The following ZGRF1 variants were observed in gnomAD, a reference collection of about 807,000 sequenced individuals.
The protein encoded by ZGRF1 is zinc finger GRF-type containing 1, also known as 5'-3' DNA helicase ZGRF1.
In ZGRF1, 196 loss-of-function variants were observed where a neutral mutation model predicts 203.5. That is an observed-to-expected ratio of 0.96 (90% CI 0.86 to 1.08). The LOEUF is 1.08. Among genes scored for constraint, ZGRF1 ranks in the 50% least tolerant of loss-of-function variants. The pLI, the probability that ZGRF1 is intolerant of heterozygous loss-of-function variation, is 0.00. For missense variants in ZGRF1, 2,326 were observed against 2,416.3 expected, an observed-to-expected ratio of 0.96 and a Z score of 0.78; for synonymous variants, 809 against 841.3, an observed-to-expected ratio of 0.96 and a Z score of 0.66.
In ZGRF1 at chr4:112,540,853, C is replaced by A. The variant is rs1364913369; in HGVS notation, c.5878G>T (p.Val1960Leu). ...ATCTGGGATTTGTATAATGTTATCA[C>A]ACCAATCATAGAGCCTGCTATTCCA... ...ASGIAGSMIG[V>L]ITLYKSQMYK... Residue 1960 changes from valine to leucine, a missense_variant, in exon 26 of 28, where the codon GTG (valine) becomes TTG (leucine). Physicochemically the swap from Val to Leu is conservative, Grantham distance 32. Coordinates refer to ENST00000505019, the MANE Select transcript of ZGRF1 (RefSeq NM_018392.5). 6.3e-7 allele frequency: 1 copy of A among 1,595,714 alleles called. No homozygotes were observed. Among genetic ancestry groups the A allele is most frequent in the Non-Finnish European group, 8.5e-7 (1 of 1,169,944 alleles).
chr4:112,594,333 CAT>C (rs1035948986), intron 10 of ZGRF1, among the ~76,000 whole-genome samples: 5 of 152,148 alleles, frequency 3.3e-5, no homozygotes, highest in Non-Finnish European at 7.4e-5. Context: ...CTGTTTTACA[CAT>C]GTCCTGCACA....
intron 22 of ZGRF1, among the ~76,000 whole-genome samples, chr4:112,551,327 T>G (rs1291696606): frequency 6.6e-6 from 1 of 152,202 alleles, no homozygotes; most frequent in Non-Finnish European, 1.5e-5. Flanking sequence ...TGTAAAACAA[T>G]ACATTTCTCA....
At chr4:112,584,524 ACAC>A (rs1200455966) in intron 14 of ZGRF1, among the ~76,000 whole-genome samples, 2 of 152,186 alleles carry the variant, frequency 1.3e-5, no homozygotes, top group African/African-American at 4.8e-5. Context: ...AAGTACACAC[ACAC>A]CACAACCCAA....
chr4:112,618,368 A>G lies in ZGRF1; in HGVS notation c.1674T>C (p.Ser558=). 1 of 1,613,532 alleles carries G rather than the reference A, an allele frequency of 6.2e-7. No individual in the cohort carries two copies. The highest frequency in any genetic ancestry group is 1.7e-5 in the Admixed American group (1 of 59,972). The change falls in exon 6 of 28, where the codon AGT becomes AGC. Residue 558 remains serine (S), a synonymous_variant. Coordinates refer to ENST00000505019, the MANE Select transcript of ZGRF1 (RefSeq NM_018392.5). The part of the protein sequence containing the change: ...ESNKISQDSE[S]WVKDILVNDG... Reference sequence around the variant, plus strand: ...CATTAACCAAAATGTCCTTTACCCAACTCTCTGAATCCTGGGAAATTTTGT... The same window carrying G: ...CATTAACCAAAATGTCCTTTACCCAGCTCTCTGAATCCTGGGAAATTTTGT...
chr4:112,595,636 G>A (rs1245003067), intron 10 of ZGRF1, among the ~76,000 whole-genome samples: 1 of 151,976 alleles, frequency 6.6e-6, no homozygotes, highest in Non-Finnish European at 1.5e-5. Context: ...GCCCAAATAA[G>A]CTTAAAAGCA....
At chr4:112,561,170 G>A (rs1471722590) in intron 18 of ZGRF1, 175 bp from the exon 19 acceptor site, 5 of 590,268 alleles carry the variant, frequency 8.5e-6, no homozygotes, top group East Asian at 8.4e-5. Context: ...ATATCGAGGA[G>A]GGTAGAAGAG....
chr4:112,611,061 G>A (rs2149125857), intron 7 of ZGRF1: 3 of 191,596 alleles, frequency 1.6e-5, no homozygotes, highest in Middle Eastern at 2.0e-3. Context: ...ATTATTAAAA[G>A]GGGAAAAAAA....
At chr4:112,617,119 CAT>C (rs2046903601) in intron 6 of ZGRF1, among the ~76,000 whole-genome samples, 1 of 152,028 alleles carries the variant, frequency 6.6e-6, no homozygotes, top group African/African-American at 2.4e-5. Context: ...TATACACACA[CAT>C]ACATACATAT....
At chr4:112,600,475 C>G (rs545193830) in intron 10 of ZGRF1, among the ~76,000 whole-genome samples, 1 of 152,122 alleles carries the variant, frequency 6.6e-6, no homozygotes, top group Admixed American at 6.6e-5. Flanking sequence ...AAGCGGATCA[C>G]GAGGTCAGGA....
chr4:112,615,164 C>T (rs1007900582), intron 6 of ZGRF1, among the ~76,000 whole-genome samples: 7 of 152,088 alleles, frequency 4.6e-5, no homozygotes, highest in Non-Finnish European at 8.8e-5. Context: ...AGAACTACTG[C>T]AAATAATCAG....
At chr4:112,575,440 G>C (rs1314765524) in intron 16 of ZGRF1, among the ~76,000 whole-genome samples, 1 of 152,122 alleles carries the variant, frequency 6.6e-6, no homozygotes, top group Non-Finnish European at 1.5e-5. Flanking sequence ...CAGGACAGTG[G>C]GTGCAGTGCA....
intron 7 of ZGRF1, among the ~76,000 whole-genome samples, chr4:112,611,867 GT>G (rs2046690649): frequency 2.0e-5 from 3 of 152,156 alleles, no homozygotes; most frequent in Admixed American, 2.0e-4. Context: ...GAAAATCAAC[GT>G]GTAACAAGAA....
Position 112,587,687 on chromosome 4 carries a change from A to G in ZGRF1, c.3370T>C (p.Ser1124Pro). The change falls in exon 12 of 28, where the codon TCT becomes CCT. Residue 1124 changes from serine to proline, a missense_variant. Physicochemically the swap from Ser to Pro is moderately conservative, Grantham distance 74. Coordinates refer to ENST00000505019, the MANE Select transcript of ZGRF1 (RefSeq NM_018392.5). ...EPEDQNETFF[S>P]EESREVNPGD... ...GGATTCACTTCCCTAGATTCTTCAG[A>G]GAAAAAGGTTTCATTTTGGTCCTCA... 1 of 1,611,124 alleles carries G rather than the reference A, an allele frequency of 6.2e-7. No homozygotes were observed. Among genetic ancestry groups the G allele is most frequent in the Non-Finnish European group, 8.5e-7 (1 of 1,178,344 alleles).
At chr4:112,565,486 G>C in intron 16 of ZGRF1, 1 of 656,516 alleles carries the variant, frequency 1.5e-6, no homozygotes, top group Non-Finnish European at 2.6e-6. Context: ...CTGAACGTTA[G>C]GTATTTTTTT....
chr4:112,596,640 C>G (rs1397664135), intron 10 of ZGRF1, among the ~76,000 whole-genome samples: 1 of 151,976 alleles, frequency 6.6e-6, no homozygotes, highest in East Asian at 1.9e-4. Context: ...GTTGCCCAAG[C>G]TGGAGGGCAC....
Position 112,579,318 on chromosome 4 carries a change from C to A in ZGRF1, c.4438+2345G>T, listed in dbSNP as rs1745796148. 1.6e-5 allele frequency among the ~76,000 whole-genome samples: 2 copies of A among 123,030 alleles called. 1 individual carries two copies. The highest frequency in any genetic ancestry group is 3.6e-5 in the Non-Finnish European group (2 of 55,108). The allele number at this position is 123,030 out of a possible 152,430, so 80.7% of individuals were successfully genotyped here. ...TGACAAACCCACAGCCAATATCACA[C>A]TGAATGGGCAAAAACTGGAAGCATT... On this transcript the variant is annotated intron_variant, in intron 16 of 27. Transcript: ENST00000505019.
At chr4:112,599,443 C>T (rs1310106607) in intron 10 of ZGRF1, among the ~76,000 whole-genome samples, 1 of 151,860 alleles carries the variant, frequency 6.6e-6, no homozygotes, top group African/African-American at 2.4e-5. Flanking sequence ...GTACATAGGC[C>T]AGCCACTGTG....
chr4:112,618,278 A>G lies in ZGRF1; in HGVS notation c.1764T>C (p.His588=). The G allele has an allele frequency of 6.2e-7, 1 of 1,613,902 alleles. No individual in the cohort carries two copies. The highest frequency in any genetic ancestry group is 8.5e-7 in the Non-Finnish European group (1 of 1,179,896). The change falls in exon 6 of 28, where the codon CAT becomes CAC. Residue 588 remains histidine, a synonymous_variant. Coordinates refer to ENST00000505019, the MANE Select transcript of ZGRF1 (RefSeq NM_018392.5). ...NTNCEEIEGE[H]LPFLTSVSDK... is the part of the protein sequence containing the mutation. ...CACTAACAGATGTTAAGAATGGCAA[A>G]TGTTCACCCTCAATCTCTTCACAGT...
At chr4:112,576,387 G>A (rs553794547) in intron 16 of ZGRF1, among the ~76,000 whole-genome samples, 1 of 152,262 alleles carries the variant, frequency 6.6e-6, no homozygotes, top group East Asian at 1.9e-4. Flanking sequence ...TCCTCCAAAG[G>A]AACGCAGCTC....
Sources: gnomAD v4.1 joint callset for allele counts (sites outside exome capture counted in the v4.1 genomes callset) on GRCh38, gnomAD v4.1.1 for gene constraint, MANE v1.5 for transcripts, NCBI Gene and HGNC (gene_info 2026-07-23, HGNC 2026-07-21) for gene names.